The following POLD1 variants were observed in gnomAD, a reference collection of about 807,000 sequenced individuals.
The protein encoded by POLD1 is DNA polymerase delta 1, catalytic subunit.
POLD1 carries 79 observed loss-of-function variants against 129.7 expected under a neutral mutation model. That is an observed-to-expected ratio of 0.61 (90% confidence interval 0.51 to 0.73). The LOEUF is 0.73. Among genes scored for constraint, POLD1 ranks in the 30% least tolerant of loss-of-function variants. The pLI is 0.00. For missense variants in POLD1, 1,338 were observed against 1,595.8 expected, an observed-to-expected ratio of 0.84 and a Z score of 2.75; for synonymous variants, 714 against 683.3, an observed-to-expected ratio of 1.04 and a Z score of -0.70.
intron 17 of POLD1, among the ~76,000 whole-genome samples, chr19:50,410,448 G>A (rs912659795): frequency 6.6e-6 from 1 of 152,242 alleles, no homozygotes; most frequent in East Asian, 1.9e-4. Flanking sequence ...AATTCTCAGT[G>A]GGTGGGGCCT....
chr19:50,409,313 C>A lies in POLD1; in HGVS notation c.2006+78C>A. The stretch of plus-strand genomic sequence containing the variant: ...CAATCCCTGTCCCTCACTGGGACAC[C>A]CCAGGGCTGCCCAGCCACCCTGCCC... On this transcript the variant is annotated intron_variant, in intron 16 of 26. Coordinates refer to ENST00000440232, the MANE Select transcript of POLD1 (RefSeq NM_002691.4). The surrounding 1 kb of genome is among the most constrained non-coding windows in gnomAD (Gnocchi z 5.8). 2 of 1,205,990 alleles carry A rather than the reference C, an allele frequency of 1.7e-6. No homozygotes were observed. The highest frequency in any genetic ancestry group is 2.4e-6 in the Non-Finnish European group (2 of 824,278). 74.7% of individuals were successfully genotyped at this position (1,205,990 alleles called of 1,614,324 possible).
intron 1 of POLD1, among the ~76,000 whole-genome samples, chr19:50,389,561 A>T (rs893604405): frequency 2.6e-5 from 4 of 151,878 alleles, no homozygotes; most frequent in African/African-American, 9.7e-5. Flanking sequence ...TCCCTGTAAT[A>T]TTCTTCAAGG....
chr19:50,401,961 G>A (rs368781571), intron 4 of POLD1, 37 bp downstream of exon 4: 2 of 1,614,070 alleles, frequency 1.2e-6, no homozygotes, highest in East Asian at 2.2e-5. Flanking sequence ...CTGAGCCACT[G>A]GAGCCCCCTG....
chr19:50,394,682 A>G (rs1397760344), intron 1 of POLD1, among the ~76,000 whole-genome samples: 2 of 152,022 alleles, frequency 1.3e-5, no homozygotes, highest in African/African-American at 4.8e-5. Flanking sequence ...TAAAAAGGCA[A>G]AATGAGGACT....
intron 1 of POLD1, among the ~76,000 whole-genome samples, chr19:50,389,476 T>C (rs1482135463): frequency 1.3e-5 from 2 of 152,130 alleles, no homozygotes; most frequent in East Asian, 1.9e-4. Context: ...TACAGTGTCA[T>C]TGTCATCATC....
In POLD1 at chr19:50,402,329, G is replaced by T. The variant is rs149096523; in HGVS notation, c.714G>T (p.Thr238=). The T allele has an allele frequency of 6.2e-7, 1 of 1,610,868 alleles. No individual in the cohort carries two copies. Among genetic ancestry groups the T allele is most frequent in the South Asian group, 1.1e-5 (1 of 90,850 alleles). ...EQGIRVAGLG[T]PSFAPYEANV... is the part of the protein sequence containing the mutation. ...GCATCCGTGTGGCAGGCCTGGGCACGCCCAGCTTCGCGCCCTACGAGGCCA... is the reference window on the plus strand; with the variant it reads ...GCATCCGTGTGGCAGGCCTGGGCACTCCCAGCTTCGCGCCCTACGAGGCCA... The change falls in exon 6 of 27, where the codon ACG becomes ACT. Residue 238 remains threonine (T), a synonymous_variant. Coordinates refer to ENST00000440232, the MANE Select transcript of POLD1 (RefSeq NM_002691.4).
rs759477141 is a variant in POLD1 at position 50,417,800 on chromosome 19, G to C, written c.3219-42G>C. ...CACCCCTCTCCCAGGCTGGGCACTGGGCCTTGGCTGGTCCTGACCCTGCCC... is the reference window on the plus strand; with the variant it reads ...CACCCCTCTCCCAGGCTGGGCACTGCGCCTTGGCTGGTCCTGACCCTGCCC... On this transcript the variant is annotated intron_variant, in intron 26 of 26. Coordinates refer to ENST00000440232, the MANE Select transcript of POLD1 (RefSeq NM_002691.4). 1.5e-4 allele frequency: 197 copies of C among 1,307,254 alleles called. No homozygotes were observed. Among genetic ancestry groups the C allele is most frequent in the Non-Finnish European group, 1.9e-4 (177 of 925,822 alleles). The allele number at this position is 1,307,254 out of a possible 1,614,324, so 81.0% of individuals were successfully genotyped here. A position where few individuals can be genotyped will look rare whatever the true frequency, so the allele number is the denominator to read the frequency against.
At chr19:50,386,700 C>T (rs1411530776) in intron 1 of POLD1, among the ~76,000 whole-genome samples, 1 of 152,206 alleles carries the variant, frequency 6.6e-6, no homozygotes, top group Non-Finnish European at 1.5e-5. Context: ...CCTGGGGGCC[C>T]ACCCTGTGCT....
intron 1 of POLD1, among the ~76,000 whole-genome samples, chr19:50,393,754 C>T (rs2038247410): frequency 6.6e-6 from 1 of 152,158 alleles, no homozygotes; most frequent in Admixed American, 6.5e-5. Flanking sequence ...AGTTTCAAAA[C>T]ATTTCATCAC....
rs370565782 is a variant in POLD1 at position 50,400,991 on chromosome 19, C to G, written c.317-787C>G. 2.6e-5 allele frequency among the ~76,000 whole-genome samples: 4 copies of G among 151,734 alleles called. No individual in the cohort carries two copies. The East Asian group carries it at 7.9e-4, about 30-fold the overall frequency. On this transcript the variant is annotated intron_variant, in intron 3 of 26. Coordinates refer to ENST00000440232, the MANE Select transcript of POLD1 (RefSeq NM_002691.4). ...GATTACAGGCTTGAGCCACCGCGCC[C>G]GGCCTGGCTAACTTTTAAAAATATA...
In POLD1 at chr19:50,399,418, C is replaced by T. The variant is rs1417698677; in HGVS notation, c.250C>T (p.Pro84Ser). 1 of 1,614,208 alleles carries T rather than the reference C, an allele frequency of 6.2e-7. No homozygotes were observed. Among genetic ancestry groups the T allele is most frequent in the Admixed American group, 1.7e-5 (1 of 60,030 alleles). The stretch of plus-strand genomic sequence containing the variant: ...AGATCCTCGCTGGCTTCGGCCCACA[C>T]CACCAGCGCTGGACCCCCAGACAGA... The part of the protein sequence containing the change: ...AIDPRWLRPT[P>S]PALDPQTEPL... Residue 84 changes from proline (P) to serine (S), a missense_variant, in exon 3 of 27, where the codon CCA (proline) becomes TCA (serine). Transcript: ENST00000440232.
intron 24 of POLD1, 131 bp from the exon 25 acceptor site, chr19:50,416,914 T>C: frequency 8.6e-7 from 1 of 1,159,940 alleles, no homozygotes. Context: ...AGGGGAGTTT[T>C]CCCAGCACAC....
chr19:50,389,370 C>T (rs1008990982), intron 1 of POLD1, among the ~76,000 whole-genome samples: 1 of 152,018 alleles, frequency 6.6e-6, no homozygotes, highest in Admixed American at 6.6e-5. Context: ...AATCCCCCTG[C>T]CTCGGCCTCC....
chr19:50,400,503 G>T (rs118132558), intron 3 of POLD1, among the ~76,000 whole-genome samples: 2,425 of 143,762 alleles, frequency 0.017, 41 homozygotes, highest in Non-Finnish European at 0.021. Flanking sequence ...TTACAGGAGT[G>T]AGTAACTGTG....
At chr19:50,397,760 T>A (rs1293303436) in intron 1 of POLD1, among the ~76,000 whole-genome samples, 1 of 152,180 alleles carries the variant, frequency 6.6e-6, no homozygotes, top group Admixed American at 6.5e-5. Flanking sequence ...AGTAGCAGTC[T>A]GTATGTGTTT....
intron 3 of POLD1, 116 bp from the exon 4 acceptor site, chr19:50,401,661 AC>A: frequency 1.8e-6 from 2 of 1,087,620 alleles, no homozygotes; most frequent in East Asian, 4.8e-5. Flanking sequence ...GACACAGGGA[AC>A]GGTACAGGGG....
chr19:50,417,991 T>G lies in POLD1; in HGVS notation c.*44T>G. On this transcript the variant is annotated 3_prime_UTR_variant, in exon 27 of 27. Coordinates refer to ENST00000440232, the MANE Select transcript of POLD1 (RefSeq NM_002691.4). Reference sequence around the variant, plus strand: ...GGGCGGGGGCGGGACCAGGGAGAATTAATAAAGTTCTGGACTTTTGCTATA... The same window carrying G: ...GGGCGGGGGCGGGACCAGGGAGAATGAATAAAGTTCTGGACTTTTGCTATA... 1 of 1,206,932 alleles carries G rather than the reference T, an allele frequency of 8.3e-7. No individual in the cohort carries two copies. Among genetic ancestry groups the G allele is most frequent in the South Asian group, 1.3e-5 (1 of 78,640 alleles). The allele number at this position is 1,206,932 out of a possible 1,614,324, so 74.8% of individuals were successfully genotyped here.
chr19:50,392,005 C>T (rs1471223551), intron 1 of POLD1, among the ~76,000 whole-genome samples: 2 of 152,256 alleles, frequency 1.3e-5, no homozygotes, highest in South Asian at 2.1e-4. Flanking sequence ...GCGTGAGCCA[C>T]TGCACCTGGC....
chr19:50,387,241 C>T (rs776976642), intron 1 of POLD1, among the ~76,000 whole-genome samples: 17 of 152,182 alleles, frequency 1.1e-4, no homozygotes, highest in Non-Finnish European at 2.4e-4. Flanking sequence ...CACTTGAGTC[C>T]AGGAGGCGGA....
Sources: gnomAD v4.1 joint callset for allele counts (sites outside exome capture counted in the v4.1 genomes callset) on GRCh38, gnomAD v4.1.1 for gene constraint, Gnocchi (gnomAD v3.1) non-coding constraint, MANE v1.5 for transcripts, NCBI Gene and HGNC (gene_info 2026-07-23, HGNC 2026-07-21) for gene names.